SLCO5A1: variants seen among roughly 807,000 people sequenced by gnomAD.
SLCO5A1 encodes the protein solute carrier organic anion transporter family member 5A1.
In SLCO5A1, 39 loss-of-function variants were observed where a neutral mutation model predicts 65.1. The observed-to-expected ratio is 0.60, with a 90% CI of 0.46 to 0.78. SLCO5A1 has a LOEUF of 0.78. Among genes scored for constraint, SLCO5A1 ranks in the 30% least tolerant of loss-of-function variants. SLCO5A1 has a pLI of 0.00. For missense variants in SLCO5A1, 1,029 were observed against 1,069.4 expected, an observed-to-expected ratio of 0.96 and a Z score of 0.53; for synonymous variants, 438 against 415.7, an observed-to-expected ratio of 1.05 and a Z score of -0.65.
chr8:69,692,059 T>C (rs766407823), intron 6 of SLCO5A1, among the ~76,000 whole-genome samples: 27 of 152,244 alleles, frequency 1.8e-4, no homozygotes, highest in African/African-American at 4.1e-4. Context: ...CCATCCTGGC[T>C]AACACAGTGA....
At chr8:69,781,364 T>C (rs1818785682) in intron 2 of SLCO5A1, among the ~76,000 whole-genome samples, 1 of 152,224 alleles carries the variant, frequency 6.6e-6, no homozygotes, top group African/African-American at 2.4e-5. Flanking sequence ...TAGGACACCT[T>C]TAACACTACC....
At chr8:69,693,987 T>C (rs1048220672) in intron 6 of SLCO5A1, among the ~76,000 whole-genome samples, 1 of 152,204 alleles carries the variant, frequency 6.6e-6, no homozygotes, top group Admixed American at 6.5e-5. Context: ...CTAGACTGGC[T>C]GATGTGAGAG....
chr8:69,783,932 T>C (rs1165258387), intron 2 of SLCO5A1, among the ~76,000 whole-genome samples: 11 of 152,158 alleles, frequency 7.2e-5, no homozygotes, highest in African/African-American at 2.4e-4. Context: ...TGTAAGTTCA[T>C]CACTTGTAAT....
Position 69,808,349 on chromosome 8 carries a change from A to G in SLCO5A1, c.907+23418T>C, listed in dbSNP as rs141774276. On this transcript the variant is annotated intron_variant, in intron 2 of 9. Transcript: ENST00000260126. The stretch of plus-strand genomic sequence containing the variant: ...CACACTTCACCCTCCAAAAGGCCCC[A>G]GTGTGTGTTGTTACTATGTCCATGT... Among the ~76,000 whole-genome samples, 316 of 152,092 alleles carry G rather than the reference A, an allele frequency of 2.1e-3. 2 individuals are homozygous for G. Among genetic ancestry groups the G allele is most frequent in the African/African-American group, 7.3e-3 (302 of 41,480 alleles).
chr8:69,696,368 C>T (rs1814499496), intron 6 of SLCO5A1, among the ~76,000 whole-genome samples: 1 of 152,164 alleles, frequency 6.6e-6, no homozygotes, highest in Admixed American at 6.6e-5. Context: ...CCAGCCTGCC[C>T]GATCGAATCT....
At chr8:69,759,711 A>G (rs1289056068) in intron 3 of SLCO5A1, among the ~76,000 whole-genome samples, 1 of 152,058 alleles carries the variant, frequency 6.6e-6, no homozygotes, top group Non-Finnish European at 1.5e-5. Context: ...AATGGTGCCA[A>G]CTCAGCTCAC....
At chr8:69,815,123 A>G (rs573175972) in intron 2 of SLCO5A1, among the ~76,000 whole-genome samples, 2 of 152,298 alleles carry the variant, frequency 1.3e-5, no homozygotes, top group Admixed American at 1.3e-4. Context: ...AGTGTGGTAC[A>G]TTTCACAATT....
rs769350250 is a variant in SLCO5A1, at chr8:69,673,016, G to A, written c.2400C>T (p.Thr800=). ...CAGTCTCTTCGTGGAATTCTCCCTG[G>A]GTGCTGAAAGCTGGGCAAGATCTAG... The part of the protein sequence containing the change: ...ARTRSCPAFS[T]QGEFHEETGL... The change falls in exon 10 of 10, where the codon ACC becomes ACT. Residue 800 remains threonine (T), a synonymous_variant. Transcript: ENST00000260126. The A allele has an allele frequency of 1.9e-6, 3 of 1,614,166 alleles. No individual in the cohort carries two copies. Among genetic ancestry groups the A allele is most frequent in the South Asian group, 2.2e-5 (2 of 91,088 alleles).
chr8:69,827,309 AAAG>A (rs1217683410), intron 2 of SLCO5A1, among the ~76,000 whole-genome samples: 2 of 152,026 alleles, frequency 1.3e-5, no homozygotes. Flanking sequence ...ATATTTAAAA[AAAG>A]AGAAAAAAAA....
At chr8:69,796,907 T>C (rs1819522743) in intron 2 of SLCO5A1, among the ~76,000 whole-genome samples, 1 of 152,172 alleles carries the variant, frequency 6.6e-6, no homozygotes, top group African/African-American at 2.4e-5. Flanking sequence ...ATAGCAAAAG[T>C]GACCTTTACT....
chr8:69,734,121 C>T (rs960769847), intron 5 of SLCO5A1, among the ~76,000 whole-genome samples: 5 of 152,130 alleles, frequency 3.3e-5, no homozygotes, highest in African/African-American at 7.2e-5. Flanking sequence ...CACCACCTCC[C>T]GCCAGGCACA....
intron 3 of SLCO5A1, among the ~76,000 whole-genome samples, chr8:69,757,110 G>A (rs943088111): frequency 6.6e-5 from 10 of 152,196 alleles, no homozygotes; most frequent in African/African-American, 1.2e-4. Context: ...GCTGCTAAAG[G>A]TCACAGTTGA....
intron 4 of SLCO5A1, among the ~76,000 whole-genome samples, chr8:69,753,839 C>G (rs1231494842): frequency 6.8e-6 from 1 of 146,746 alleles, no homozygotes; most frequent in Non-Finnish European, 1.5e-5. Context: ...GGTGGAATAC[C>G]ATCTCTGCTA....
chr8:69,816,498 T>C (rs1170433705), intron 2 of SLCO5A1, among the ~76,000 whole-genome samples: 1 of 152,120 alleles, frequency 6.6e-6, no homozygotes, highest in African/African-American at 2.4e-5. Flanking sequence ...AAAAGGAAAC[T>C]GAAAACACAG....
At chr8:69,820,015 G>A (rs950305324) in intron 2 of SLCO5A1, among the ~76,000 whole-genome samples, 6 of 152,198 alleles carry the variant, frequency 3.9e-5, no homozygotes, top group African/African-American at 7.2e-5. Context: ...TAGGGCAACC[G>A]TGTGAACATG....
chr8:69,696,977 T>C (rs1814524889), intron 6 of SLCO5A1, among the ~76,000 whole-genome samples: 1 of 151,726 alleles, frequency 6.6e-6, no homozygotes, highest in Non-Finnish European at 1.5e-5. Context: ...AAGCATGCAA[T>C]ATGAGAGAAT....
chr8:69,679,138 G>A (rs1012247983), intron 8 of SLCO5A1, among the ~76,000 whole-genome samples: 1 of 152,196 alleles, frequency 6.6e-6, no homozygotes, highest in African/African-American at 2.4e-5. Flanking sequence ...TCATTATACA[G>A]TAAGAATATA....
chr8:69,808,965 A>G (rs778758180), intron 2 of SLCO5A1, among the ~76,000 whole-genome samples: 19 of 152,034 alleles, frequency 1.2e-4, no homozygotes, highest in Non-Finnish European at 2.6e-4. Flanking sequence ...TTAGCCAGGC[A>G]TGGTGGTGGG....
At chr8:69,767,815 G>A (rs777844653) in intron 2 of SLCO5A1, among the ~76,000 whole-genome samples, 4 of 144,458 alleles carry the variant, frequency 2.8e-5, no homozygotes, top group Non-Finnish European at 3.0e-5. Flanking sequence ...ACTTGAACCC[G>A]AGAGGCAGAG....
Sources: allele counts gnomAD v4.1 joint callset (sites outside exome capture counted in the v4.1 genomes callset), GRCh38; gene constraint gnomAD v4.1.1; transcripts MANE v1.5; gene names NCBI Gene and HGNC (gene_info 2026-07-23, HGNC 2026-07-21).